PNP: variants seen among roughly 807,000 people sequenced by gnomAD.
PNP encodes the protein HEL-S-156an.
A neutral mutation model predicts 26.8 loss-of-function variants in PNP; 18 were observed. That is an observed-to-expected ratio of 0.67 (90% CI 0.46 to 1.00). PNP has a LOEUF of 1.00. Ranked by LOEUF, PNP falls within the 50% of genes least tolerant of loss-of-function variation. The pLI, the probability that PNP is intolerant of heterozygous loss-of-function variation, is 0.00. For synonymous variants in PNP, 116 were observed against 124.8 expected (o/e 0.93, Z 0.47); for missense variants, 320 against 362.9 (o/e 0.88, Z 0.96).
intron 2 of PNP, 158 bp from the exon 3 acceptor site, chr14:20,474,314 C>A: frequency 1.5e-6 from 1 of 673,798 alleles, no homozygotes; most frequent in Non-Finnish European, 2.6e-6. Context: ...GCTCTCTCAC[C>A]AGACTTAAAC....
At chr14:20,471,274 C>T (rs1328085739) in intron 1 of PNP, among the ~76,000 whole-genome samples, 5 of 139,224 alleles carry the variant, frequency 3.6e-5, no homozygotes, top group African/African-American at 1.1e-4. Flanking sequence ...TGGTCTCGAT[C>T]TCCTGACCTC....
rs148349782 is a variant in PNP at position 20,474,816 on chromosome 14, C to A, written c.329C>A (p.Thr110Asn). The A allele has an allele frequency of 8.1e-6, 13 of 1,614,182 alleles. No individual in the cohort carries two copies. Among genetic ancestry groups the A allele is most frequent in the Non-Finnish European group, 1.1e-5 (13 of 1,180,034 alleles). Residue 110 changes from threonine (T) to asparagine (N), a missense_variant, in exon 4 of 6, where the codon ACC becomes AAC. By Grantham distance (65) the Thr-to-Asn change is moderately conservative. Coordinates refer to ENST00000361505, the MANE Select transcript of PNP (RefSeq NM_000270.4). ...GTTTTCCACCTTCTGGGTGTGGACACCCTGGTAGTCACCAATGCAGCAGGA... is the reference window on the plus strand; with the variant it reads ...GTTTTCCACCTTCTGGGTGTGGACAACCTGGTAGTCACCAATGCAGCAGGA... ...VRVFHLLGVD[T>N]LVVTNAAGGL... is the part of the protein sequence containing the mutation.
In PNP at chr14:20,474,464, G is replaced by C; in HGVS notation, c.182-8G>C. On this transcript the variant is annotated splice_polypyrimidine_tract_variant and splice_region_variant and intron_variant, in intron 2 of 5. Coordinates refer to ENST00000361505, the MANE Select transcript of PNP (RefSeq NM_000270.4). ...TCCCATTCATTTCTCTTTCTGTTTT[G>C]TATACAGTGCCAGGTCATGCTGGCC... 1 of 1,611,636 alleles carries C rather than the reference G, an allele frequency of 6.2e-7. No individual in the cohort carries two copies.
In PNP at chr14:20,475,260, G is replaced by A. The variant is rs1882078166; in HGVS notation, c.652+8G>A. 1 of 1,609,450 alleles carries A rather than the reference G, an allele frequency of 6.2e-7. No homozygotes were observed. Among genetic ancestry groups the A allele is most frequent in the Non-Finnish European group, 8.5e-7 (1 of 1,176,646 alleles). ...TGGGAGCAGACGCTGTTGGTGAGAAGGGGAATTTGGCTGGAAGCTTGAAGA... is the reference window on the plus strand; with the variant it reads ...TGGGAGCAGACGCTGTTGGTGAGAAAGGGAATTTGGCTGGAAGCTTGAAGA... On this transcript the variant is annotated splice_region_variant and intron_variant, in intron 5 of 5. Transcript: ENST00000361505.
At chr14:20,471,285 G>A (rs1166158938) in intron 1 of PNP, among the ~76,000 whole-genome samples, 13 of 144,960 alleles carry the variant, frequency 9.0e-5, no homozygotes, top group Non-Finnish European at 1.6e-4. Context: ...TCCTGACCTC[G>A]TGATCCGCCC....
At chr14:20,470,554 C>T (rs534344651) in intron 1 of PNP, 14 of 152,358 alleles carry the variant, frequency 9.2e-5, no homozygotes, top group African/African-American at 3.4e-4. Context: ...CTCTGTCACA[C>T]CTCATTGCCA....
At chr14:20,474,622 G>T in intron 3 of PNP, 47 bp downstream of exon 3, 1 of 1,573,112 alleles carries the variant, frequency 6.4e-7, no homozygotes, top group South Asian at 1.1e-5. Flanking sequence ...AGGCAGGAGA[G>T]AACTATCTAG....
rs766791132 is a variant in PNP at position 20,476,681 on chromosome 14, T to A, written c.*80T>A. The A allele has an allele frequency of 1.0e-5, 11 of 1,094,836 alleles. No individual in the cohort carries two copies. Among genetic ancestry groups the A allele is most frequent in the Non-Finnish European group, 1.5e-5 (11 of 714,628 alleles). 67.8% of individuals were successfully genotyped at this position (1,094,836 alleles called of 1,614,324 possible). On this transcript the variant is annotated 3_prime_UTR_variant, in exon 6 of 6. Transcript: ENST00000361505. ...TCTTTGGCCCCTTGCTGGAGTCATG[T>A]GCCTCTGTCCTTAGGTTGTAGCAGA...
chr14:20,475,668 A>G (rs1032847014), intron 5 of PNP, among the ~76,000 whole-genome samples: 16 of 152,100 alleles, frequency 1.1e-4, no homozygotes, highest in Non-Finnish European at 1.5e-5. Context: ...TATTTTTAGT[A>G]GAGACAAGGT....
At position 20,470,860 on chromosome 14, in the gene PNP, A is replaced by G. The variant is rs182597118; in HGVS notation, c.11+1325A>G. The stretch of plus-strand genomic sequence containing the variant: ...TAGCAAGTATTCAATTCATTTTCAG[A>G]TTGAGCCTATAAGATAGATGGGGCC... On this transcript the variant is annotated intron_variant, in intron 1 of 5. Transcript: ENST00000361505. Among the ~76,000 whole-genome samples the G allele has an allele frequency of 2.0e-5, 3 of 152,292 alleles. No individual in the cohort carries two copies. In the East Asian group the frequency reaches 5.8e-4, roughly 29 times the overall value.
At position 20,476,161 on chromosome 14, in the gene PNP, G is replaced by A. The variant is rs17883821; in HGVS notation, c.653-223G>A. ...GCTAATTTTATTTATTTTTTGAGCC[G>A]AGGTCTCTTTATGTTGCCCAGGCTG... On this transcript the variant is annotated intron_variant, in intron 5 of 5. Coordinates refer to ENST00000361505, the MANE Select transcript of PNP (RefSeq NM_000270.4). Among the ~76,000 whole-genome samples the A allele has an allele frequency of 8.0e-3, 1,210 of 152,028 alleles. 11 individuals carry two copies. The highest frequency in any genetic ancestry group is 0.014 in the Non-Finnish European group (971 of 67,936).
rs756374794 is a variant in PNP at position 20,474,513 on chromosome 14, G to T, written c.223G>T (p.Gly75Cys). The T allele has an allele frequency of 2.5e-6, 4 of 1,614,054 alleles. No homozygotes were observed. Among genetic ancestry groups the T allele is most frequent in the South Asian group, 2.2e-5 (2 of 91,076 alleles). The stretch of plus-strand genomic sequence containing the variant: ...CCGACTGGTGTTTGGGTTCCTGAAT[G>T]GCAGGGCCTGTGTGATGATGCAGGG... ...AGRLVFGFLN[G>C]RACVMMQGRF... Residue 75 changes from glycine to cysteine, a missense_variant, in exon 3 of 6, where the codon GGC becomes TGC. Gly to Cys is a radical substitution (Grantham distance 159, BLOSUM62 -3). Coordinates refer to ENST00000361505, the MANE Select transcript of PNP (RefSeq NM_000270.4).
At position 20,475,150 on chromosome 14, in the gene PNP, C is replaced by T. The variant is rs1882074352; in HGVS notation, c.550C>T (p.Gln184Ter). The T allele has an allele frequency of 6.2e-7, 1 of 1,614,056 alleles. No individual in the cohort carries two copies. The highest frequency in any genetic ancestry group is 8.5e-7 in the Non-Finnish European group (1 of 1,180,038). Residue 184 changes from glutamine to a stop codon, truncating the protein, a stop_gained, in exon 5 of 6, where the codon CAA becomes TAA. Coordinates refer to ENST00000361505, the MANE Select transcript of PNP (RefSeq NM_000270.4). LOFTEE classifies it high-confidence loss of function. ...ALSTWKQMGE[Q>*]RELQEGTYVM... ...CAGTACCTGGAAACAAATGGGGGAGCAACGTGAGCTACAGGAAGGCACCTA... is the reference window on the plus strand; with the variant it reads ...CAGTACCTGGAAACAAATGGGGGAGTAACGTGAGCTACAGGAAGGCACCTA...
At chr14:20,471,359 G>C (rs1881984245) in intron 1 of PNP, among the ~76,000 whole-genome samples, 1 of 151,546 alleles carries the variant, frequency 6.6e-6, no homozygotes, top group Non-Finnish European at 1.5e-5. Context: ...CCTAAACCTG[G>C]TTTTAAAATC....
intron 5 of PNP, 122 bp from the exon 6 acceptor site, chr14:20,476,262 G>T: frequency 1.2e-6 from 1 of 834,338 alleles, no homozygotes; most frequent in East Asian, 2.5e-5. Flanking sequence ...GTGAACCACT[G>T]CACCCGGCCA....
At chr14:20,473,279 A>G (rs1882027629) in intron 2 of PNP, 2 of 152,306 alleles carry the variant, frequency 1.3e-5, no homozygotes, top group African/African-American at 4.8e-5. Flanking sequence ...AGAAATGGTA[A>G]TAATGGCTGT....
rs886050387 is a variant in PNP, at chr14:20,472,362, G to C, written c.66G>C (p.Lys22Asn). The change falls in exon 2 of 6, where the codon AAG (lysine) becomes AAC (asparagine). Residue 22 changes from lysine (K) to asparagine (N), a missense_variant. Transcript: ENST00000361505. ...CAGAATGGCTTCTGTCTCACACTAA[G>C]CACCGACCTCAAGTTGCAATAATCT... Reference protein sequence around the residue: ...NTAEWLLSHTKHRPQVAIICG... With the variant: ...NTAEWLLSHTNHRPQVAIICG... 1.9e-6 allele frequency: 3 copies of C among 1,613,698 alleles called. No individual in the cohort carries two copies. In the East Asian group the frequency reaches 6.7e-5, roughly 36 times the overall value.
intron 1 of PNP, among the ~76,000 whole-genome samples, chr14:20,470,907 C>T (rs916421549): frequency 1.3e-5 from 2 of 152,094 alleles, no homozygotes; most frequent in Non-Finnish European, 2.9e-5. Context: ...CTTGTTTATA[C>T]CTGAGAAAAT....
chr14:20,477,006 G>A lies in PNP; in HGVS notation c.*405G>A, dbSNP rs1031845614. On this transcript the variant is annotated 3_prime_UTR_variant, in exon 6 of 6. Transcript: ENST00000361505. ...CAGTTCTGCCTTATCTAAATCACCA[G>A]AGACCAAACAAGGACTAATCCAATA... 5.8e-5 allele frequency: 17 copies of A among 293,076 alleles called. No individual in the cohort carries two copies. The highest frequency in any genetic ancestry group is 8.7e-5 in the Non-Finnish European group (13 of 148,784). 18.2% of individuals were successfully genotyped at this position (293,076 alleles called of 1,614,324 possible). A position where few individuals can be genotyped will look rare whatever the true frequency, so the allele number is the denominator to read the frequency against.
Sources: gnomAD v4.1 joint callset for allele counts (sites outside exome capture counted in the v4.1 genomes callset) on GRCh38, gnomAD v4.1.1 for gene constraint, MANE v1.5 for transcripts, NCBI Gene and HGNC (gene_info 2026-07-23, HGNC 2026-07-21) for gene names.